NUP42: variants seen among roughly 807,000 people sequenced by gnomAD.
NUP42 encodes nucleoporin 42, also known as nucleoporin NUP42.
Under a neutral mutation model 35.9 loss-of-function variants are expected in NUP42, and 47 were observed. That is an observed-to-expected ratio of 1.31 (90% confidence interval 1.04 to 1.67). The LOEUF (loss-of-function observed/expected upper bound fraction) is 1.67. NUP42 is among the 40% of genes most tolerant of loss of function. The pLI is 0.00. For missense variants in NUP42, 514 were observed against 492.2 expected (o/e 1.04, Z -0.42); for synonymous variants, 173 against 173.3 (o/e 1.00, Z 0.01).
At chr7:23,187,667 C>T (rs528915177) in intron 3 of NUP42, among the ~76,000 whole-genome samples, 20 of 134,326 alleles carry the variant, frequency 1.5e-4, no homozygotes, top group African/African-American at 5.3e-4. Flanking sequence ...AGTGCAGTGA[C>T]GCGATCTCGG....
In NUP42 at chr7:23,185,291, A is replaced by G; in HGVS notation, c.343A>G (p.Lys115Glu). 1.9e-6 allele frequency: 3 copies of G among 1,604,050 alleles called. No individual in the cohort carries two copies. Among genetic ancestry groups the G allele is most frequent in the South Asian group, 1.1e-5 (1 of 88,860 alleles). ...LSPDEQKDEKKLLEGIVKDME... is the reference protein window; with the variant it reads ...LSPDEQKDEKELLEGIVKDME... ...TCCTGATGAGCAGAAAGATGAAAAG[A>G]AACTTCTGTAAGTGAAAGTTTTCAG... Residue 115 changes from lysine to glutamate, a missense_variant, in exon 2 of 7, where the codon AAA becomes GAA. Lys to Glu is a moderately conservative substitution (Grantham distance 56). Transcript: ENST00000258742.
Position 23,200,152 on chromosome 7 carries a change from T to C in NUP42, c.695-16T>C, listed in dbSNP as rs1395364142. The stretch of plus-strand genomic sequence containing the variant: ...TAGATTTTTGTTGTTTTTTTTGTTG[T>C]TGTTGTTGTTTGTAGGCTTTCCAGT... On this transcript the variant is annotated splice_polypyrimidine_tract_variant and intron_variant, in intron 6 of 6. Coordinates refer to ENST00000258742, the MANE Select transcript of NUP42 (RefSeq NM_007342.3). 1.4e-6 allele frequency: 2 copies of C among 1,479,624 alleles called. No homozygotes were observed. Among genetic ancestry groups the C allele is most frequent in the Non-Finnish European group, 1.8e-6 (2 of 1,099,496 alleles). 91.7% of individuals were successfully genotyped at this position (1,479,624 alleles called of 1,614,324 possible). A position where few individuals can be genotyped will look rare whatever the true frequency, so the allele number is the denominator to read the frequency against.
chr7:23,199,557 A>G lies in NUP42; in HGVS notation c.694+15A>G, dbSNP rs771548143. ...TATGTCGCCAGGTAAGTGATAAAGTAATGCAGGACTTCACTGATTTAGAAA... is the reference window on the plus strand; with the variant it reads ...TATGTCGCCAGGTAAGTGATAAAGTGATGCAGGACTTCACTGATTTAGAAA... On this transcript the variant is annotated intron_variant, in intron 6 of 6. Transcript: ENST00000258742. 6.3e-7 allele frequency: 1 copy of G among 1,597,712 alleles called. No individual in the cohort carries two copies. The highest frequency in any genetic ancestry group is 8.6e-7 in the Non-Finnish European group (1 of 1,165,360).
chr7:23,198,538 G>T (rs1017288774), intron 5 of NUP42: 2 of 152,182 alleles, frequency 1.3e-5, no homozygotes, highest in African/African-American at 4.8e-5. Context: ...CCAAATGAAA[G>T]AAATCGCTTA....
chr7:23,182,159 C>T lies in NUP42; in HGVS notation c.74C>T (p.Ala25Val), dbSNP rs764949484. Residue 25 changes from alanine to valine, a missense_variant, in exon 1 of 7, where the codon GCT (alanine) becomes GTT (valine). Ala to Val is a moderately conservative substitution (Grantham distance 64). Transcript: ENST00000258742. ...GDRCWNEHPG[A>V]RGAGGGRQQP... ...CGGTGCTGGAACGAACATCCCGGTGCTAGGGGTGCAGGAGGAGGACGGCAG... is the reference window on the plus strand; with the variant it reads ...CGGTGCTGGAACGAACATCCCGGTGTTAGGGGTGCAGGAGGAGGACGGCAG... 2.9e-5 allele frequency: 46 copies of T among 1,606,834 alleles called. No individual in the cohort carries two copies. The highest frequency in any genetic ancestry group is 2.8e-4 in the Admixed American group (17 of 59,918).
Position 23,199,512 on chromosome 7 carries a change from A to G in NUP42, c.664A>G (p.Ser222Gly), listed in dbSNP as rs1485416741. The G allele has an allele frequency of 6.2e-7, 1 of 1,613,982 alleles. No homozygotes were observed. The highest frequency in any genetic ancestry group is 1.3e-5 in the African/African-American group (1 of 74,912). Reference sequence around the variant, plus strand: ...AGCAGCACCTGCATTTGGATTTGGCAGCAGTCAAGCAGCAACATTTATGTC... The same window carrying G: ...AGCAGCACCTGCATTTGGATTTGGCGGCAGTCAAGCAGCAACATTTATGTC... Reference protein sequence around the residue: ...NQAAPAFGFGSSQAATFMSPG... With the variant: ...NQAAPAFGFGGSQAATFMSPG... Residue 222 changes from serine (S) to glycine (G), a missense_variant, in exon 6 of 7, where the codon AGC becomes GGC. Ser to Gly is a moderately conservative substitution (Grantham distance 56). Coordinates refer to ENST00000258742, the MANE Select transcript of NUP42 (RefSeq NM_007342.3).
Position 23,188,007 on chromosome 7 carries a change from A to T in NUP42, c.445+861A>T, listed in dbSNP as rs575626729. On this transcript the variant is annotated intron_variant, in intron 3 of 6. Coordinates refer to ENST00000258742, the MANE Select transcript of NUP42 (RefSeq NM_007342.3). ...TTCTCTCTCTCTTTTTTTATTTTTTATTTTTATTTTTTTTTTTGTCCATAG... is the reference window on the plus strand; with the variant it reads ...TTCTCTCTCTCTTTTTTTATTTTTTTTTTTTATTTTTTTTTTTGTCCATAG... The T allele has an allele frequency of 3.2e-3, 3,295 of 1,019,718 alleles. 82 individuals are homozygous for T. In the African/African-American group the frequency reaches 0.055, roughly 17 times the overall value. 63.2% of individuals were successfully genotyped at this position (1,019,718 alleles called of 1,614,324 possible). A position where few individuals can be genotyped will look rare whatever the true frequency, so the allele number is the denominator to read the frequency against.
Position 23,195,834 on chromosome 7 carries a change from T to G in NUP42, c.446-5T>G. 6.3e-7 allele frequency: 1 copy of G among 1,586,044 alleles called. No homozygotes were observed. The highest frequency in any genetic ancestry group is 8.6e-7 in the Non-Finnish European group (1 of 1,160,900). On this transcript the variant is annotated splice_polypyrimidine_tract_variant and splice_region_variant and intron_variant, in intron 3 of 6. Coordinates refer to ENST00000258742, the MANE Select transcript of NUP42 (RefSeq NM_007342.3). ...TTAAAGATTCCGATTGATTCCTCAC[T>G]TCAGGTTTTACAGACATTTCACCAG...
chr7:23,188,034 C>A (rs1056780705), intron 3 of NUP42: 19 of 1,351,928 alleles, frequency 1.4e-5, no homozygotes, highest in Non-Finnish European at 1.7e-5. Context: ...TGTCCATAGT[C>A]CCTAAGCCCT....
chr7:23,199,145 TCTTA>T (rs1263942317), intron 5 of NUP42, among the ~76,000 whole-genome samples: 1 of 152,034 alleles, frequency 6.6e-6, no homozygotes, highest in Non-Finnish European at 1.5e-5. Flanking sequence ...TGAGTCAGAG[TCTTA>T]CTTTGTCATC....
chr7:23,199,614 C>A, intron 6 of NUP42, 72 bp downstream of exon 6: 1 of 1,234,326 alleles, frequency 8.1e-7, no homozygotes, highest in South Asian at 1.2e-5. Context: ...AATTACAAGC[C>A]TGAATCGCCA....
At position 23,196,722 on chromosome 7, in the gene NUP42, G is replaced by A. The variant is rs1786024245; in HGVS notation, c.565G>A (p.Val189Ile). The A allele has an allele frequency of 6.2e-7, 1 of 1,612,714 alleles. No individual in the cohort carries two copies. The highest frequency in any genetic ancestry group is 1.1e-5 in the South Asian group (1 of 91,008). ...TTTAATAAATCAATGGAGGAACAGG[G>A]TAAATGAACTGAAAAGTCTAAATAT... ...QRLINQWRNRVNELKSLNIST... is the reference protein window; with the variant it reads ...QRLINQWRNRINELKSLNIST... The change falls in exon 5 of 7, where the codon GTA becomes ATA. Residue 189 changes from valine (V) to isoleucine (I), a missense_variant. Coordinates refer to ENST00000258742, the MANE Select transcript of NUP42 (RefSeq NM_007342.3).
At chr7:23,186,414 T>C (rs1020937786) in intron 2 of NUP42, among the ~76,000 whole-genome samples, 2 of 152,242 alleles carry the variant, frequency 1.3e-5, no homozygotes, top group Admixed American at 1.3e-4. Flanking sequence ...AATTCTCCTT[T>C]TATTGACATA....
rs999336419 is a variant in NUP42, at chr7:23,182,276, G to T, written c.121+70G>T. On this transcript the variant is annotated intron_variant, in intron 1 of 6. Transcript: ENST00000258742. ...TCCGCCGGCGGGGACCGGGCGTCCC[G>T]CGTGTTTCCCGCTGCTGGTGACCCC... 9 of 1,534,332 alleles carry T rather than the reference G, an allele frequency of 5.9e-6. No homozygotes were observed. The African/African-American group carries it at 9.6e-5, about 16-fold the overall frequency.
chr7:23,196,017 A>G (rs1239568136), intron 4 of NUP42, 102 bp downstream of exon 4: 3 of 544,864 alleles, frequency 5.5e-6, no homozygotes, highest in Non-Finnish European at 9.4e-6. Flanking sequence ...GAGGTCTATG[A>G]TCTTTTTTCA....
In NUP42 at chr7:23,200,447, C is replaced by A; in HGVS notation, c.974C>A (p.Thr325Lys). Residue 325 changes from threonine to lysine, a missense_variant, in exon 7 of 7, where the codon ACA (threonine) becomes AAA (lysine). Transcript: ENST00000258742. The stretch of plus-strand genomic sequence containing the variant: ...TCAGGACTTCCAGCTTCCTTGGCAA[C>A]AGGTCCTGTCAGAGCTCCAGTGGCC... ...GFSGLPASLA[T>K]GPVRAPVAPA... 1.2e-6 allele frequency: 2 copies of A among 1,614,242 alleles called. No homozygotes were observed. Among genetic ancestry groups the A allele is most frequent in the Non-Finnish European group, 1.7e-6 (2 of 1,180,046 alleles).
rs573408946 is a variant in NUP42, at chr7:23,188,539, T to G, written c.445+1393T>G. 7.1e-6 allele frequency: 7 copies of G among 985,286 alleles called. No homozygotes were observed. The African/African-American group carries it at 1.2e-4, about 17-fold the overall frequency. The allele number at this position is 985,286 out of a possible 1,614,324, so 61.0% of individuals were successfully genotyped here. On this transcript the variant is annotated intron_variant, in intron 3 of 6. Transcript: ENST00000258742. ...AAGCAGTGGTTCTTAAAATGTGGAT[T>G]CCTGAATATAGTTGTCAGATAAAAT...
Position 23,199,615 on chromosome 7 carries a change from T to C in NUP42, c.694+73T>C, listed in dbSNP as rs888530225. On this transcript the variant is annotated intron_variant, in intron 6 of 6. Coordinates refer to ENST00000258742, the MANE Select transcript of NUP42 (RefSeq NM_007342.3). ...TTTTATAGGTTTCAAATTACAAGCC[T>C]GAATCGCCATTTTAAATTACCTTCG... 9 of 1,225,026 alleles carry C rather than the reference T, an allele frequency of 7.3e-6. No individual in the cohort carries two copies. In the South Asian group the frequency reaches 9.7e-5, roughly 13 times the overall value. 75.9% of individuals were successfully genotyped at this position (1,225,026 alleles called of 1,614,324 possible). A position where few individuals can be genotyped will look rare whatever the true frequency, so the allele number is the denominator to read the frequency against.
intron 5 of NUP42, 169 bp from the exon 6 acceptor site, chr7:23,199,289 C>A (rs1786123286): frequency 5.3e-6 from 3 of 567,968 alleles, no homozygotes; most frequent in African/African-American, 1.9e-5. Flanking sequence ...TAGGCTCAAG[C>A]CCTTCACCCT....
Sources: allele counts gnomAD v4.1 joint callset (sites outside exome capture counted in the v4.1 genomes callset), GRCh38; gene constraint gnomAD v4.1.1; transcripts MANE v1.5; gene names NCBI Gene and HGNC (gene_info 2026-07-23, HGNC 2026-07-21).